NUP155: variants seen among roughly 807,000 people sequenced by gnomAD.
NUP155 encodes nuclear pore complex protein Nup155.
Under a neutral mutation model 180.4 loss-of-function variants are expected in NUP155, and 71 were observed. That is an observed-to-expected ratio of 0.39 (90% CI 0.33 to 0.48). The LOEUF is 0.48. Among genes scored for constraint, NUP155 ranks in the 20% least tolerant of loss-of-function variants. The pLI, the probability that NUP155 is intolerant of heterozygous loss-of-function variation, is 0.91. For missense variants in NUP155, 1,553 were observed against 1,648.9 expected (o/e 0.94, Z 1.01); for synonymous variants, 582 against 559.5 (o/e 1.04, Z -0.57).
chr5:37,347,434 G>T (rs1049647467), intron 9 of NUP155, among the ~76,000 whole-genome samples: 1 of 152,114 alleles, frequency 6.6e-6, no homozygotes, highest in East Asian at 1.9e-4. Context: ...GGTGGCTCAC[G>T]CCTGTAATCC....
chr5:37,351,287 G>C lies in NUP155; in HGVS notation c.626C>G (p.Pro209Arg), dbSNP rs370781964. ...QLLPDPLYSL[P>R]TDNTYLLTIT... ...TGTTAAAAGGTAAGTATTATCAGTA[G>C]GAAGAGAATATAAAGGATCTGGAAG... Residue 209 changes from proline to arginine, a missense_variant, in exon 6 of 35, where the codon CCT becomes CGT. Pro to Arg is a moderately radical substitution (Grantham distance 103, BLOSUM62 -2). Transcript: ENST00000231498. The C allele has an allele frequency of 6.2e-7, 1 of 1,611,852 alleles. No homozygotes were observed. The highest frequency in any genetic ancestry group is 1.3e-5 in the African/African-American group (1 of 74,802).
rs746333614 is a variant in NUP155 at position 37,352,774 on chromosome 5, T to G, written c.519A>C (p.Ile173=). ...HLLVLATPVD[I]VILGLSYANL... is the part of the protein sequence containing the mutation. ...TAGCATAGCTGAGTCCAAGAATTAC[T>G]ATGTCTACAGGGGTCGCCAAAACCA... Residue 173 remains isoleucine, a synonymous_variant, in exon 5 of 35, where the codon ATA becomes ATC. Transcript: ENST00000231498. 1.1e-5 allele frequency: 18 copies of G among 1,613,596 alleles called. No individual in the cohort carries two copies. Among genetic ancestry groups the G allele is most frequent in the Non-Finnish European group, 1.5e-5 (18 of 1,179,634 alleles).
chr5:37,296,807 GATTT>G (rs1479454682), intron 32 of NUP155, among the ~76,000 whole-genome samples: 9 of 152,258 alleles, frequency 5.9e-5, no homozygotes, highest in African/African-American at 1.2e-4. Flanking sequence ...CCCACCCCTA[GATTT>G]ATTTGACAGT....
intron 12 of NUP155, among the ~76,000 whole-genome samples, chr5:37,336,460 A>C (rs887915889): frequency 6.6e-6 from 1 of 152,088 alleles, no homozygotes; most frequent in Non-Finnish European, 1.5e-5. Flanking sequence ...AAAAAAGTTA[A>C]CATTTATGGA....
intron 1 of NUP155, among the ~76,000 whole-genome samples, chr5:37,365,010 T>C (rs1397584154): frequency 6.6e-6 from 1 of 151,880 alleles, no homozygotes; most frequent in African/African-American, 2.4e-5. Context: ...AAGCCTGTAA[T>C]CCTAGCACTT....
At chr5:37,312,569 A>G (rs1344913312) in intron 22 of NUP155, among the ~76,000 whole-genome samples, 2 of 152,234 alleles carry the variant, frequency 1.3e-5, no homozygotes, top group Admixed American at 6.5e-5. Context: ...ACCAATCTGT[A>G]AAAAGACATT....
At chr5:37,314,757 G>A (rs1362276051) in intron 21 of NUP155, among the ~76,000 whole-genome samples, 2 of 151,338 alleles carry the variant, frequency 1.3e-5, no homozygotes, top group Admixed American at 6.6e-5. Context: ...GGAGAATGGC[G>A]TGAACCCAGG....
intron 19 of NUP155, 140 bp from the exon 20 acceptor site, chr5:37,324,247 A>G (rs1273785498): frequency 1.5e-6 from 1 of 661,136 alleles, no homozygotes; most frequent in Non-Finnish European, 2.8e-6. Flanking sequence ...AATAAAGTAT[A>G]CCTACACACT....
chr5:37,365,134 C>T (rs1024770807), intron 1 of NUP155, among the ~76,000 whole-genome samples: 5 of 151,624 alleles, frequency 3.3e-5, no homozygotes, highest in South Asian at 4.2e-4. Flanking sequence ...TGGTGGCGTG[C>T]GCCTATAATC....
intron 20 of NUP155, among the ~76,000 whole-genome samples, chr5:37,322,192 GC>G (rs1359664307): frequency 6.6e-6 from 1 of 152,040 alleles, no homozygotes; most frequent in Non-Finnish European, 1.5e-5. Context: ...CTCCTATATT[GC>G]CCAGGCTGGT....
intron 1 of NUP155, among the ~76,000 whole-genome samples, chr5:37,366,359 T>C (rs201373139): frequency 6.6e-6 from 1 of 152,266 alleles, no homozygotes; most frequent in African/African-American, 2.4e-5. Context: ...AATACCCATG[T>C]ACTGATTATC....
At chr5:37,309,007 T>TCTGATG in intron 24 of NUP155, 122 bp downstream of exon 24, 1 of 973,772 alleles carries the variant, frequency 1.0e-6, no homozygotes, top group Non-Finnish European at 1.6e-6. Flanking sequence ...TCACTCGGCC[T>TCTGATG]CTGATGCTGA....
intron 4 of NUP155, among the ~76,000 whole-genome samples, chr5:37,357,077 A>G (rs1746875093): frequency 6.6e-6 from 1 of 152,214 alleles, no homozygotes; most frequent in Admixed American, 6.5e-5. Flanking sequence ...ACTGCACTCC[A>G]GCCTGGGCAA....
At chr5:37,354,180 C>T (rs1233299454) in intron 4 of NUP155, among the ~76,000 whole-genome samples, 1 of 152,102 alleles carries the variant, frequency 6.6e-6, no homozygotes, top group African/African-American at 2.4e-5. Context: ...GAGTTTCACT[C>T]TTGTTGCCCA....
chr5:37,313,998 C>G (rs1300235402), intron 22 of NUP155, among the ~76,000 whole-genome samples, 200 bp downstream of exon 22: 1 of 152,172 alleles, frequency 6.6e-6, no homozygotes, highest in East Asian at 1.9e-4. Context: ...CATTCACATA[C>G]CCACAAGTAA....
intron 21 of NUP155, among the ~76,000 whole-genome samples, chr5:37,315,079 A>C (rs1297079027): frequency 6.6e-6 from 1 of 152,134 alleles, no homozygotes; most frequent in Non-Finnish European, 1.5e-5. Flanking sequence ...TGAAAACACA[A>C]AAACTAGATG....
chr5:37,341,241 A>G lies in NUP155; in HGVS notation c.1095T>C (p.Gly365=). The G allele has an allele frequency of 1.2e-6, 2 of 1,613,690 alleles. No homozygotes were observed. Among genetic ancestry groups the G allele is most frequent in the Non-Finnish European group, 8.5e-7 (1 of 1,179,618 alleles). ...DCQLLAVTHA[G]VRLYFSTCPF... ...GACAAGTGCTAAAATATAACCTAAC[A>G]CCTGAAGATGGGGTAAAATTATGCA... Residue 365 remains glycine, a splice_region_variant and synonymous_variant, in exon 11 of 35, where the codon GGT becomes GGC. Transcript: ENST00000231498.
intron 8 of NUP155, among the ~76,000 whole-genome samples, chr5:37,348,826 G>A (rs1165562495): frequency 6.6e-6 from 1 of 151,972 alleles, no homozygotes; most frequent in African/African-American, 2.4e-5. Context: ...CATGATCTCG[G>A]CTCACTGCAA....
At chr5:37,350,819 T>TAAAAAA (rs57132136) in intron 6 of NUP155, among the ~76,000 whole-genome samples, 1 of 100,490 alleles carries the variant, frequency 1.0e-5, no homozygotes, top group Non-Finnish European at 2.1e-5. Flanking sequence ...CCATCACATT[T>TAAAAAA]AAAAAAAAAA....
Sources: gnomAD v4.1 joint callset for allele counts (sites outside exome capture counted in the v4.1 genomes callset) on GRCh38, gnomAD v4.1.1 for gene constraint, MANE v1.5 for transcripts, NCBI Gene and HGNC (gene_info 2026-07-23, HGNC 2026-07-21) for gene names.